MCF2L: variants seen among roughly 807,000 people sequenced by gnomAD.
MCF2L encodes guanine nucleotide exchange factor DBS.
A neutral mutation model predicts 153.4 loss-of-function variants in MCF2L; 97 were observed. The ratio of observed to expected loss-of-function variants is 0.63; its 90% CI spans 0.54 to 0.75. The LOEUF is 0.75. Among genes scored for constraint, MCF2L ranks in the 30% least tolerant of loss-of-function variants. The pLI, the probability that MCF2L is intolerant of heterozygous loss-of-function variation, is 0.00. For synonymous variants in MCF2L, 659 were observed against 632.2 expected (o/e 1.04, Z -0.64); for missense variants, 1,347 against 1,495.2 (o/e 0.90, Z 1.64).
chr13:113,081,137 C>T, intron 15 of MCF2L, 76 bp from the exon 16 acceptor site: 1 of 1,277,058 alleles, frequency 7.8e-7, no homozygotes, highest in South Asian at 1.4e-5. Flanking sequence ...TAGGTGGCAC[C>T]TGTGAGACTG....
intron 2 of MCF2L, among the ~76,000 whole-genome samples, chr13:112,954,712 G>A (rs558684032): frequency 6.6e-6 from 1 of 152,350 alleles, no homozygotes; most frequent in South Asian, 2.1e-4. Context: ...GCTGCTCCAG[G>A]ACCTCTGGGG....
chr13:113,079,327 G>A (rs1047157575), intron 15 of MCF2L, among the ~76,000 whole-genome samples: 2 of 152,122 alleles, frequency 1.3e-5, no homozygotes, highest in East Asian at 3.9e-4. Flanking sequence ...GCAAAACTGG[G>A]AAGGAGCCAA....
At chr13:112,997,316 G>C (rs1486909304) in intron 1 of MCF2L, among the ~76,000 whole-genome samples, 1 of 152,196 alleles carries the variant, frequency 6.6e-6, no homozygotes, top group Admixed American at 6.5e-5. Context: ...TGCTGCTGAC[G>C]CCCCTGTGCA....
At chr13:112,903,086 C>G (rs921884616) in intron 2 of MCF2L, among the ~76,000 whole-genome samples, 1 of 152,250 alleles carries the variant, frequency 6.6e-6, no homozygotes, top group Non-Finnish European at 1.5e-5. Context: ...ACTAGACAAA[C>G]CCAGTGTGGG....
At position 113,021,590 on chromosome 13, in the gene MCF2L, C is replaced by T. The variant is rs186107300; in HGVS notation, c.164-3054C>T. Among the ~76,000 whole-genome samples, 42 of 152,302 alleles carry T rather than the reference C, an allele frequency of 2.8e-4. No individual in the cohort carries two copies. In the East Asian group the frequency reaches 6.9e-3, roughly 25 times the overall value. ...CCTCTGTCCTCTGCGGCGTTCAGTC[C>T]GCCTCCAGTTACTAGGCCGGGTGTA... is the stretch of plus-strand genomic sequence containing the variant. On this transcript the variant is annotated intron_variant, in intron 2 of 29. Coordinates refer to ENST00000535094, the MANE Select transcript of MCF2L (RefSeq NM_001112732.3).
At chr13:112,936,588 G>A (rs1308466593) in intron 2 of MCF2L, among the ~76,000 whole-genome samples, 1 of 152,190 alleles carries the variant, frequency 6.6e-6, no homozygotes, top group East Asian at 1.9e-4. Context: ...ATTCAGGGAT[G>A]TCTTAGCAAG....
intron 2 of MCF2L, among the ~76,000 whole-genome samples, chr13:113,024,397 G>T (rs1337749342): frequency 6.6e-6 from 1 of 152,234 alleles, no homozygotes; most frequent in Non-Finnish European, 1.5e-5. Context: ...ATGTTGAATT[G>T]TCACGGTAGC....
In MCF2L at chr13:113,070,030, A is replaced by G. The variant is rs775949973; in HGVS notation, c.882-29A>G. On this transcript the variant is annotated intron_variant, in intron 8 of 29. Transcript: ENST00000535094. This position sits in a 1 kb window ranked among gnomAD's most constrained non-coding sequence, Gnocchi z 5.6. ...CGTTGCATGGGGCGCCGTGGGCCAC[A>G]CAGACGGTCAACTCCTCCTCTTTCC... The G allele has an allele frequency of 2.6e-6, 4 of 1,558,480 alleles. No homozygotes were observed. The African/African-American group carries it at 5.5e-5, about 21-fold the overall frequency.
intron 1 of MCF2L, among the ~76,000 whole-genome samples, chr13:112,990,724 C>T (rs1440348298): frequency 2.6e-5 from 4 of 152,224 alleles, no homozygotes; most frequent in South Asian, 2.1e-4. Context: ...TTCTTCATCC[C>T]GTCCTTCTTC....
chr13:112,997,031 CG>C (rs894274077), intron 1 of MCF2L, among the ~76,000 whole-genome samples: 3 of 152,156 alleles, frequency 2.0e-5, no homozygotes, highest in African/African-American at 7.2e-5. Flanking sequence ...CTGCCAGCCC[CG>C]GGCCGCCCTC....
At position 113,047,950 on chromosome 13, in the gene MCF2L, G is replaced by A. The variant is rs114892710; in HGVS notation, c.369+2589G>A. On this transcript the variant is annotated intron_variant, in intron 4 of 29. Coordinates refer to ENST00000535094, the MANE Select transcript of MCF2L (RefSeq NM_001112732.3). ...TCGCTACGCGTGCCCCAGTGCCCTCGCACACACATCACCACGTGTGTGTCT... is the reference window on the plus strand; with the variant it reads ...TCGCTACGCGTGCCCCAGTGCCCTCACACACACATCACCACGTGTGTGTCT... Among the ~76,000 whole-genome samples, 1,375 of 152,360 alleles carry A rather than the reference G, an allele frequency of 9.0e-3. 21 individuals are homozygous for A. Among genetic ancestry groups the A allele is most frequent in the African/African-American group, 0.031 (1,302 of 41,584 alleles).
intron 8 of MCF2L, among the ~76,000 whole-genome samples, chr13:113,066,832 C>T (rs559297512): frequency 4.9e-4 from 75 of 152,342 alleles, no homozygotes; most frequent in Admixed American, 7.8e-4. Flanking sequence ...AGCTGGACAG[C>T]GGCTTGTCCG....
intron 12 of MCF2L, 111 bp downstream of exon 12, chr13:113,076,268 A>AT: frequency 2.4e-6 from 2 of 832,780 alleles, no homozygotes; most frequent in Non-Finnish European, 3.4e-6. Context: ...TTTATTTATT[A>AT]TTATTTTTTT....
intron 2 of MCF2L, among the ~76,000 whole-genome samples, chr13:112,903,474 T>C (rs2081139316): frequency 1.3e-5 from 2 of 152,222 alleles, no homozygotes; most frequent in African/African-American, 4.8e-5. Flanking sequence ...AGCTCAGCTC[T>C]GTGTGTCTGC....
chr13:112,991,727 C>A (rs1216523969), intron 1 of MCF2L, among the ~76,000 whole-genome samples: 1 of 152,148 alleles, frequency 6.6e-6, no homozygotes, highest in African/African-American at 2.4e-5. Context: ...GTCTGTGCTC[C>A]CTGGCCGGGA....
At chr13:113,089,975 C>T (rs1028184266) in intron 26 of MCF2L, 89 of 1,599,450 alleles carry the variant, frequency 5.6e-5, no homozygotes, top group East Asian at 4.3e-4. Flanking sequence ...GCGTGCAACC[C>T]GGAGCCGCCT....
chr13:112,923,026 T>C (rs2081368124), intron 2 of MCF2L, among the ~76,000 whole-genome samples: 1 of 152,200 alleles, frequency 6.6e-6, no homozygotes, highest in South Asian at 2.1e-4. Flanking sequence ...GTGGATACTT[T>C]TTTCTGTAAC....
At position 113,081,292 on chromosome 13, in the gene MCF2L, T is replaced by G. The variant is rs745653602; in HGVS notation, c.1875+13T>G. On this transcript the variant is annotated intron_variant, in intron 16 of 29. Transcript: ENST00000535094. Reference sequence around the variant, plus strand: ...GTGCGTCCTGGAGGTGAGGCTGGACTCGGGGAGGGCCGACTGCCACGGGGA... The same window carrying G: ...GTGCGTCCTGGAGGTGAGGCTGGACGCGGGGAGGGCCGACTGCCACGGGGA... 6.3e-6 allele frequency: 10 copies of G among 1,576,832 alleles called. No homozygotes were observed. In the South Asian group the frequency reaches 1.2e-4, roughly 18 times the overall value.
intron 2 of MCF2L, among the ~76,000 whole-genome samples, chr13:113,016,174 G>T (rs2084502334): frequency 6.6e-6 from 1 of 152,196 alleles, no homozygotes; most frequent in East Asian, 1.9e-4. Context: ...TGAATTTAAG[G>T]CCCCAAATCA....
Sources: allele counts gnomAD v4.1 joint callset (sites outside exome capture counted in the v4.1 genomes callset), GRCh38; gene constraint gnomAD v4.1.1; non-coding constraint Gnocchi (gnomAD v3.1); transcripts MANE v1.5; gene names NCBI Gene and HGNC (gene_info 2026-07-23, HGNC 2026-07-21).